The following MACROD1 variants were observed in gnomAD, a reference collection of about 807,000 sequenced individuals.
The protein encoded by MACROD1 is mono-ADP ribosylhydrolase 1, also known as ADP-ribose glycohydrolase MACROD1.
A neutral mutation model predicts 41.4 loss-of-function variants in MACROD1; 31 were observed. The ratio of observed to expected loss-of-function variants is 0.75; its 90% confidence interval spans 0.56 to 1.01. The LOEUF (loss-of-function observed/expected upper bound fraction) is 1.01. Among genes scored for constraint, MACROD1 ranks in the 50% least tolerant of loss-of-function variants. The pLI is 0.00. For synonymous variants in MACROD1, 252 were observed against 203.4 expected (o/e 1.24, Z -2.03); for missense variants, 473 against 460.0 (o/e 1.03, Z -0.26).
chr11:64,139,909 TC>T (rs1457341945), intron 3 of MACROD1, among the ~76,000 whole-genome samples: 2 of 149,882 alleles, frequency 1.3e-5, no homozygotes, highest in Non-Finnish European at 3.0e-5. Context: ...TGAGCCGAGA[TC>T]ACGCCACTGC....
chr11:64,037,583 G>A (rs1038206584), intron 3 of MACROD1, among the ~76,000 whole-genome samples: 2 of 152,178 alleles, frequency 1.3e-5, no homozygotes, highest in Admixed American at 1.3e-4. Flanking sequence ...CCTGGTAGGT[G>A]TGAGGGGCAG....
chr11:64,043,644 T>TAA (rs980941487), intron 3 of MACROD1, among the ~76,000 whole-genome samples: 33 of 152,058 alleles, frequency 2.2e-4, no homozygotes, highest in African/African-American at 7.3e-4. Flanking sequence ...AGAGAGGTCA[T>TAA]TATTGAGTGT....
At chr11:64,001,237 G>T in intron 4 of MACROD1, 1 of 598,626 alleles carries the variant, frequency 1.7e-6, no homozygotes, top group Non-Finnish European at 3.0e-6. Flanking sequence ...ACCCCTCATC[G>T]GCTGTGAGAT....
chr11:64,123,933 G>T (rs1299263228), intron 3 of MACROD1, among the ~76,000 whole-genome samples: 2 of 152,168 alleles, frequency 1.3e-5, no homozygotes, highest in Non-Finnish European at 2.9e-5. Context: ...TCCTCCCAAG[G>T]TCTGGTGCTT....
rs979773883 is a variant in MACROD1, at chr11:64,091,326, C to T, written c.517+59913G>A. On this transcript the variant is annotated intron_variant, in intron 3 of 10. Transcript: ENST00000255681. The stretch of plus-strand genomic sequence containing the variant: ...TCACGTAGCTGATTTCATCACGTTT[C>T]ATTTTCTGTCAAGTTTCCTGCCGTT... 2.3e-4 allele frequency among the ~76,000 whole-genome samples: 35 copies of T among 152,208 alleles called. 1 individual carries two copies. Among genetic ancestry groups the T allele is most frequent in the Non-Finnish European group, 2.5e-4 (17 of 67,990 alleles).
intron 3 of MACROD1, among the ~76,000 whole-genome samples, chr11:64,131,432 T>C (rs775858348): frequency 6.6e-6 from 1 of 152,180 alleles, no homozygotes; most frequent in Non-Finnish European, 1.5e-5. Context: ...GTTCAAGCGA[T>C]TCTCCTGCCT....
chr11:64,124,987 C>T (rs1001705945), intron 3 of MACROD1, among the ~76,000 whole-genome samples: 14 of 152,164 alleles, frequency 9.2e-5, no homozygotes, highest in African/African-American at 3.1e-4. Context: ...GCCAAAGCCT[C>T]GTCTTTTCTC....
chr11:64,088,652 T>C (rs914243235), intron 3 of MACROD1, among the ~76,000 whole-genome samples: 4 of 152,142 alleles, frequency 2.6e-5, no homozygotes, highest in African/African-American at 9.7e-5. Context: ...CCCTTATTGG[T>C]TGTGTGACCC....
intron 3 of MACROD1, among the ~76,000 whole-genome samples, chr11:64,063,700 C>A (rs1565215583): frequency 6.6e-6 from 1 of 152,184 alleles, no homozygotes; most frequent in Non-Finnish European, 1.5e-5. Context: ...AAGGGACACA[C>A]CTCAGCGGGT....
Position 63,999,696 on chromosome 11 carries a change from G to A in MACROD1, c.732C>T (p.Arg244=), listed in dbSNP as rs764514398. ...GGTCCAGACTGCTCAGGTAGCAGCTGCGGAGCTCGGCAGCCTGACTGGCGC... is the reference window on the plus strand; with the variant it reads ...GGTCCAGACTGCTCAGGTAGCAGCTACGGAGCTCGGCAGCCTGACTGGCGC... ...EPSASQAAEL[R]SCYLSSLDLL... The change falls in exon 6 of 11, where the codon CGC becomes CGT. Residue 244 remains arginine, a synonymous_variant. Transcript: ENST00000255681. The A allele has an allele frequency of 6.2e-7, 1 of 1,609,028 alleles. No individual in the cohort carries two copies. Among genetic ancestry groups the A allele is most frequent in the African/African-American group, 1.3e-5 (1 of 74,988 alleles).
chr11:64,143,609 C>A (rs1945444430), intron 3 of MACROD1, among the ~76,000 whole-genome samples: 1 of 152,032 alleles, frequency 6.6e-6, no homozygotes, highest in African/African-American at 2.4e-5. Flanking sequence ...GACCCCTCCC[C>A]GCTGTGGCAA....
intron 4 of MACROD1, among the ~76,000 whole-genome samples, chr11:64,011,582 C>T (rs148142961): frequency 5.9e-5 from 9 of 152,000 alleles, no homozygotes; most frequent in Non-Finnish European, 8.8e-5. Flanking sequence ...ACCCTGCCCT[C>T]GGGGGAGTCC....
intron 3 of MACROD1, among the ~76,000 whole-genome samples, chr11:64,110,449 G>GAAA (rs754055496): frequency 3.2e-4 from 43 of 132,324 alleles, no homozygotes; most frequent in African/African-American, 1.2e-3. Flanking sequence ...GACTGTCTCA[G>GAAA]AAAAAAAAAA....
At chr11:64,000,481 G>A in intron 4 of MACROD1, 138 bp from the exon 5 acceptor site, 1 of 507,858 alleles carries the variant, frequency 2.0e-6, no homozygotes, top group Non-Finnish European at 3.4e-6. Context: ...CTCCGGCCGC[G>A]GCCGCTGCCC....
At chr11:64,129,944 G>A (rs539522755) in intron 3 of MACROD1, among the ~76,000 whole-genome samples, 6 of 152,218 alleles carry the variant, frequency 3.9e-5, no homozygotes, top group African/African-American at 1.4e-4. Flanking sequence ...TGGTTGGGGG[G>A]CCGTGAGCCT....
chr11:64,117,878 C>T (rs753447977), intron 3 of MACROD1: 1 of 1,614,074 alleles, frequency 6.2e-7, no homozygotes, highest in Non-Finnish European at 8.5e-7. Flanking sequence ...GCCCTACCAC[C>T]ACACTCAACC....
intron 3 of MACROD1, among the ~76,000 whole-genome samples, chr11:64,051,555 G>A (rs900626252): frequency 1.3e-5 from 2 of 152,230 alleles, no homozygotes; most frequent in African/African-American, 2.4e-5. Flanking sequence ...ACAGCTGTTT[G>A]TGCAGAGACT....
At chr11:64,008,926 G>A (rs914741004) in intron 4 of MACROD1, 23 of 152,186 alleles carry the variant, frequency 1.5e-4, no homozygotes, top group African/African-American at 5.1e-4. Context: ...TAGAGATGGC[G>A]GCCACGCAGC....
chr11:64,153,290 C>G (rs1038001183), intron 1 of MACROD1, among the ~76,000 whole-genome samples: 4 of 152,230 alleles, frequency 2.6e-5, no homozygotes, highest in Admixed American at 6.5e-5. Flanking sequence ...TCAGCCCAGC[C>G]TGGCACCCTG....
Sources: gnomAD v4.1 joint callset for allele counts (sites outside exome capture counted in the v4.1 genomes callset) on GRCh38, gnomAD v4.1.1 for gene constraint, MANE v1.5 for transcripts, NCBI Gene and HGNC (gene_info 2026-07-23, HGNC 2026-07-21) for gene names.